CAB39L: variants seen among roughly 807,000 people sequenced by gnomAD.
The protein encoded by CAB39L is calcium-binding protein 39-like.
In CAB39L, 23 loss-of-function variants were observed where a neutral mutation model predicts 39.1. The observed-to-expected ratio is 0.59, with a 90% CI of 0.42 to 0.83. The LOEUF is 0.83. Ranked by LOEUF, CAB39L falls within the 40% of genes least tolerant of loss-of-function variation. The pLI is 0.00. For synonymous variants in CAB39L, 126 were observed against 137.2 expected (o/e 0.92, Z 0.57); for missense variants, 366 against 391.9 (o/e 0.93, Z 0.56).
chr13:49,329,544 A>AAAT (rs1555252274), intron 10 of CAB39L, among the ~76,000 whole-genome samples: 2 of 33,836 alleles, frequency 5.9e-5, no homozygotes, highest in Non-Finnish European at 9.9e-5. Flanking sequence ...TAAAAAAAAA[A>AAAT]ATATATATAT....
At chr13:49,391,133 A>T (rs1420071472) in intron 3 of CAB39L, among the ~76,000 whole-genome samples, 1 of 152,218 alleles carries the variant, frequency 6.6e-6, no homozygotes, top group Admixed American at 6.5e-5. Flanking sequence ...AGTGGCACCT[A>T]AGAACCAGAC....
intron 4 of CAB39L, 45 bp downstream of exon 4, chr13:49,382,755 G>T: frequency 8.3e-7 from 1 of 1,199,654 alleles, no homozygotes; most frequent in Non-Finnish European, 1.2e-6. Flanking sequence ...TTTTGGCATT[G>T]CGATGCATGT....
intron 3 of CAB39L, among the ~76,000 whole-genome samples, chr13:49,399,228 GTACA>G (rs1375157697): frequency 6.6e-6 from 1 of 152,000 alleles, no homozygotes; most frequent in Non-Finnish European, 1.5e-5. Flanking sequence ...GAATGGCTAA[GTACA>G]AACTCAATGG....
intron 6 of CAB39L, among the ~76,000 whole-genome samples, chr13:49,352,970 A>G (rs116236808): frequency 0.018 from 2,725 of 152,328 alleles, 91 homozygotes; most frequent in African/African-American, 0.062. Flanking sequence ...TAAAGATTCA[A>G]TTGAGGAAAT....
intron 3 of CAB39L, among the ~76,000 whole-genome samples, chr13:49,425,634 C>G (rs1957233875): frequency 6.6e-6 from 1 of 152,166 alleles, no homozygotes; most frequent in South Asian, 2.1e-4. Context: ...GGTTTGCCAA[C>G]CCCTGGGCTA....
rs746192472 is a variant in CAB39L at position 49,419,387 on chromosome 13, G to A, written c.-32+13931C>T. Among the ~76,000 whole-genome samples the A allele has an allele frequency of 5.3e-5, 8 of 152,128 alleles. No homozygotes were observed. The East Asian group carries it at 1.3e-3, about 26-fold the overall frequency. ...ACTAAAAAATATGAAATTCCAGCCT[G>A]AGCAACATGGCAAAACCCTGTCTCT... On this transcript the variant is annotated intron_variant, in intron 3 of 10. Transcript: ENST00000409308.
Position 49,434,210 on chromosome 13 carries a change from A to G in CAB39L, c.-232T>C, listed in dbSNP as rs1375797286. 10 of 453,736 alleles carry G rather than the reference A, an allele frequency of 2.2e-5. No homozygotes were observed. Among genetic ancestry groups the G allele is most frequent in the African/African-American group, 1.8e-4 (9 of 49,944 alleles). 28.1% of individuals were successfully genotyped at this position (453,736 alleles called of 1,614,324 possible). Reference sequence around the variant, plus strand: ...GCTCCTGATATTCTTTCTTCTCAATATTTGATGGATATCCTGCAATAATGT... The same window carrying G: ...GCTCCTGATATTCTTTCTTCTCAATGTTTGATGGATATCCTGCAATAATGT... On this transcript the variant is annotated 5_prime_UTR_variant, in exon 2 of 11. Transcript: ENST00000409308.
intron 6 of CAB39L, among the ~76,000 whole-genome samples, chr13:49,354,935 G>C (rs141220176): frequency 1.3e-5 from 2 of 152,298 alleles, no homozygotes; most frequent in East Asian, 3.9e-4. Context: ...ATGTAAGGGG[G>C]AAAATGACTT....
intron 7 of CAB39L, among the ~76,000 whole-genome samples, chr13:49,344,938 T>C (rs1295372296): frequency 1.2e-4 from 19 of 152,286 alleles, no homozygotes; most frequent in Non-Finnish European, 4.4e-5. Context: ...CTTTCAAAAT[T>C]GAAGATGAGT....
chr13:49,364,356 C>G (rs1490163403), intron 5 of CAB39L, among the ~76,000 whole-genome samples: 2 of 152,068 alleles, frequency 1.3e-5, no homozygotes, highest in African/African-American at 2.4e-5. Context: ...AGAGACAGAT[C>G]CCAATACAAC....
At chr13:49,439,499 G>T (rs1957469266) in intron 1 of CAB39L, among the ~76,000 whole-genome samples, 1 of 152,148 alleles carries the variant, frequency 6.6e-6, no homozygotes, top group Non-Finnish European at 1.5e-5. Context: ...TATCCCTGAT[G>T]GACACATAGG....
At chr13:49,368,614 C>CA (rs1465525149) in intron 5 of CAB39L, among the ~76,000 whole-genome samples, 26 of 152,026 alleles carry the variant, frequency 1.7e-4, no homozygotes, top group Non-Finnish European at 3.1e-4. Context: ...CCCAAAATGC[C>CA]AAAAATTAGC....
intron 3 of CAB39L, among the ~76,000 whole-genome samples, chr13:49,390,921 C>CAG (rs34480226): frequency 0.55 from 83,101 of 151,804 alleles, 24,087 homozygotes; most frequent in African/African-American, 0.72. Flanking sequence ...AAGAAAAAAA[C>CAG]AGATAACTGA....
chr13:49,364,747 A>C (rs1165396973), intron 5 of CAB39L, among the ~76,000 whole-genome samples: 1 of 152,154 alleles, frequency 6.6e-6, no homozygotes, highest in African/African-American at 2.4e-5. Context: ...AGAAGTAAAA[A>C]AATCTCCATA....
At chr13:49,431,223 T>C (rs1957317320) in intron 3 of CAB39L, among the ~76,000 whole-genome samples, 2 of 152,182 alleles carry the variant, frequency 1.3e-5, no homozygotes, top group African/African-American at 4.8e-5. Flanking sequence ...CTTATATTTT[T>C]CAGAACTTTT....
chr13:49,392,107 T>TACACAC (rs113803530), intron 3 of CAB39L, among the ~76,000 whole-genome samples: 1 of 151,422 alleles, frequency 6.6e-6, no homozygotes. Context: ...TGAGAAATTA[T>TACACAC]ACACACACAC....
At chr13:49,435,097 T>G (rs1220612095) in intron 1 of CAB39L, among the ~76,000 whole-genome samples, 1 of 152,216 alleles carries the variant, frequency 6.6e-6, no homozygotes, top group East Asian at 1.9e-4. Flanking sequence ...GCCTTTGTTT[T>G]TTCCACTTCC....
At chr13:49,329,543 AAATATATATATATATATAT>A (rs1275692826) in intron 10 of CAB39L, among the ~76,000 whole-genome samples, 1,625 of 33,414 alleles carry the variant, frequency 0.049, 117 homozygotes, top group Admixed American at 0.062. Flanking sequence ...TTAAAAAAAA[AAATATATATATATATATAT>A]ATATATATAT....
Position 49,377,140 on chromosome 13 carries a change from C to G in CAB39L, c.112-9G>C. The stretch of plus-strand genomic sequence containing the variant: ...GACACTTCTTCTGAAGCCTAGTGAC[C>G]AAAACGTATGCTAACGGTTAAAAGA... On this transcript the variant is annotated splice_polypyrimidine_tract_variant and intron_variant, in intron 4 of 10. Coordinates refer to ENST00000409308, the MANE Select transcript of CAB39L (RefSeq NM_001079670.3). 3 of 1,609,852 alleles carry G rather than the reference C, an allele frequency of 1.9e-6. No homozygotes were observed. The South Asian group carries it at 3.3e-5, about 18-fold the overall frequency.
Sources: gnomAD v4.1 joint callset for allele counts (sites outside exome capture counted in the v4.1 genomes callset) on GRCh38, gnomAD v4.1.1 for gene constraint, MANE v1.5 for transcripts, NCBI Gene and HGNC (gene_info 2026-07-23, HGNC 2026-07-21) for gene names.